ATP8A2: variants seen among roughly 807,000 people sequenced by gnomAD.
ATP8A2 encodes ATPase phospholipid transporting 8A2.
Under a neutral mutation model 165.6 loss-of-function variants are expected in ATP8A2, and 100 were observed. The observed-to-expected ratio is 0.60, with a 90% CI of 0.51 to 0.71. The LOEUF (loss-of-function observed/expected upper bound fraction) is 0.71, where lower values mean the gene tolerates loss of function less well. Among genes scored for constraint, ATP8A2 ranks in the 30% least tolerant of loss-of-function variants. ATP8A2 has a pLI of 0.00. For missense variants in ATP8A2, 1,227 were observed against 1,479.5 expected (o/e 0.83, Z 2.80); for synonymous variants, 543 against 548.8 (o/e 0.99, Z 0.15).
At chr13:25,473,124 G>A (rs1057273212) in intron 2 of ATP8A2, among the ~76,000 whole-genome samples, 1 of 152,176 alleles carries the variant, frequency 6.6e-6, no homozygotes, top group Non-Finnish European at 1.5e-5. Flanking sequence ...ACCCCCAGGG[G>A]TATGCACTAC....
At chr13:25,683,690 CTTT>C (rs574979200) in intron 24 of ATP8A2, among the ~76,000 whole-genome samples, 1 of 142,740 alleles carries the variant, frequency 7.0e-6, no homozygotes. Context: ...CCATCATTTC[CTTT>C]TTTTTTTTTT....
At chr13:25,871,508 A>G (rs1952677146) in intron 33 of ATP8A2, among the ~76,000 whole-genome samples, 1 of 152,226 alleles carries the variant, frequency 6.6e-6, no homozygotes, top group Admixed American at 6.5e-5. Context: ...GTTATGCAAG[A>G]AAACATGACC....
At chr13:25,975,055 T>C (rs1258937923) in intron 35 of ATP8A2, among the ~76,000 whole-genome samples, 3 of 152,130 alleles carry the variant, frequency 2.0e-5, no homozygotes, top group Admixed American at 6.6e-5. Context: ...CGCTGTGCCC[T>C]TCTGTGGTTG....
chr13:25,866,998 A>C (rs557662172), intron 33 of ATP8A2, among the ~76,000 whole-genome samples: 1 of 152,138 alleles, frequency 6.6e-6, no homozygotes, highest in Admixed American at 6.5e-5. Flanking sequence ...CTCCTCACTA[A>C]CTTTTGCTGC....
At chr13:25,475,801 G>T (rs1222557752) in intron 2 of ATP8A2, among the ~76,000 whole-genome samples, 1 of 152,106 alleles carries the variant, frequency 6.6e-6, no homozygotes, top group African/African-American at 2.4e-5. Flanking sequence ...TTTGTTGGTG[G>T]CATGTGTGTC....
At chr13:25,800,935 G>A (rs1950610042) in intron 27 of ATP8A2, among the ~76,000 whole-genome samples, 1 of 152,162 alleles carries the variant, frequency 6.6e-6, no homozygotes, top group East Asian at 1.9e-4. Flanking sequence ...GCAGCAGAAA[G>A]CATCTTTCAG....
intron 27 of ATP8A2, among the ~76,000 whole-genome samples, chr13:25,788,055 C>T (rs2138388599): frequency 6.6e-6 from 1 of 152,304 alleles, no homozygotes; most frequent in African/African-American, 2.4e-5. Flanking sequence ...CAGAGAGCAG[C>T]ATGGTTACAG....
chr13:26,011,498 G>A (rs1956847578), intron 35 of ATP8A2, among the ~76,000 whole-genome samples: 1 of 152,088 alleles, frequency 6.6e-6, no homozygotes, highest in South Asian at 2.1e-4. Context: ...GAATTTAGAG[G>A]GGACACCATT....
chr13:25,513,385 C>T (rs1482476243), intron 2 of ATP8A2, among the ~76,000 whole-genome samples: 4 of 151,210 alleles, frequency 2.6e-5, no homozygotes, highest in African/African-American at 9.7e-5. Flanking sequence ...ACGCTTCTCA[C>T]TTCCTAGATG....
intron 28 of ATP8A2, among the ~76,000 whole-genome samples, chr13:25,830,922 G>A (rs1336328601): frequency 6.6e-6 from 1 of 152,078 alleles, no homozygotes; most frequent in African/African-American, 2.4e-5. Context: ...CATTTAACAT[G>A]GATTTAATAC....
intron 2 of ATP8A2, among the ~76,000 whole-genome samples, chr13:25,473,318 AATG>A (rs1209050591): frequency 6.6e-6 from 1 of 152,212 alleles, no homozygotes; most frequent in Non-Finnish European, 1.5e-5. Flanking sequence ...AGATTATCAT[AATG>A]ATGGAGAATT....
chr13:25,437,460 TC>T (rs1390402375), intron 1 of ATP8A2, among the ~76,000 whole-genome samples: 1 of 152,146 alleles, frequency 6.6e-6, no homozygotes, highest in African/African-American at 2.4e-5. Flanking sequence ...TCCCTCCTCC[TC>T]CAGGGATATG....
intron 1 of ATP8A2, among the ~76,000 whole-genome samples, chr13:25,373,964 G>A (rs2032522468): frequency 6.6e-6 from 1 of 152,168 alleles, no homozygotes; most frequent in Non-Finnish European, 1.5e-5. Context: ...TTGCTGTCTT[G>A]AAAGTCTTAA....
At chr13:25,531,374 G>A (rs1379899794) in intron 4 of ATP8A2, among the ~76,000 whole-genome samples, 13 of 94,434 alleles carry the variant, frequency 1.4e-4, no homozygotes, top group African/African-American at 6.4e-4. Context: ...ATATATATAT[G>A]TTATATATAT....
chr13:25,592,860 G>C (rs9511825), intron 24 of ATP8A2, among the ~76,000 whole-genome samples: 54,226 of 151,952 alleles, frequency 0.36, 11,445 homozygotes, highest in Middle Eastern at 0.51. Flanking sequence ...GACTTGCCTT[G>C]GTTTAACCTT....
chr13:25,878,055 C>T (rs1952865498), intron 33 of ATP8A2, among the ~76,000 whole-genome samples: 1 of 152,130 alleles, frequency 6.6e-6, no homozygotes, highest in African/African-American at 2.4e-5. Flanking sequence ...CCACTCAGCT[C>T]TAGAGAAGAA....
chr13:25,966,032 A>AC (rs1055235492), intron 34 of ATP8A2, among the ~76,000 whole-genome samples: 4 of 151,302 alleles, frequency 2.6e-5, no homozygotes, highest in African/African-American at 9.7e-5. Flanking sequence ...AGTTTCAGAA[A>AC]AAAAAAAAAA....
At chr13:25,983,603 C>CAATA (rs1267114395) in intron 35 of ATP8A2, among the ~76,000 whole-genome samples, 1 of 152,108 alleles carries the variant, frequency 6.6e-6, no homozygotes, top group Non-Finnish European at 1.5e-5. Flanking sequence ...CTTCAGGGGT[C>CAATA]AACTTGGATA....
intron 7 of ATP8A2, 54 bp downstream of exon 7, chr13:25,538,115 T>G: frequency 7.1e-7 from 1 of 1,400,880 alleles, no homozygotes; most frequent in Non-Finnish European, 1.0e-6. Flanking sequence ...AACAATAAAA[T>G]ATTAAGCAGC....
Sources: allele counts gnomAD v4.1 joint callset (sites outside exome capture counted in the v4.1 genomes callset), GRCh38; gene constraint gnomAD v4.1.1; transcripts MANE v1.5; gene names NCBI Gene and HGNC (gene_info 2026-07-23, HGNC 2026-07-21).